PPP1R13B: variants seen among roughly 807,000 people sequenced by gnomAD.
The protein encoded by PPP1R13B is protein phosphatase 1 regulatory subunit 13B, also known as apoptosis-stimulating of p53 protein 1.
Under a neutral mutation model 119.8 loss-of-function variants are expected in PPP1R13B, and 44 were observed. The observed-to-expected ratio is 0.37, with a 90% CI of 0.29 to 0.47. PPP1R13B has a LOEUF of 0.47. PPP1R13B is among the 20% of genes least tolerant of loss of function. The probability of loss-of-function intolerance (pLI) is 0.99; values close to 1 mark genes in which losing one functional copy is unlikely to be tolerated. For synonymous variants in PPP1R13B, 542 were observed against 561.5 expected, an observed-to-expected ratio of 0.97 and a Z score of 0.49; for missense variants, 1,227 against 1,413.5, an observed-to-expected ratio of 0.87 and a Z score of 2.12.
At chr14:103,744,476 A>G (rs2084341029) in intron 9 of PPP1R13B, among the ~76,000 whole-genome samples, 1 of 152,178 alleles carries the variant, frequency 6.6e-6, no homozygotes, top group Non-Finnish European at 1.5e-5. Context: ...AAAGGGACAA[A>G]TTACGTTTGT....
intron 1 of PPP1R13B, among the ~76,000 whole-genome samples, chr14:103,843,801 A>C (rs1308009222): frequency 1.3e-5 from 2 of 152,014 alleles, no homozygotes; most frequent in Non-Finnish European, 2.9e-5. Context: ...AAAAATACAA[A>C]AATTAGCTGG....
chr14:103,807,552 T>C (rs759408698), intron 1 of PPP1R13B, among the ~76,000 whole-genome samples: 9 of 152,150 alleles, frequency 5.9e-5, no homozygotes, highest in Non-Finnish European at 8.8e-5. Context: ...TGGACTGCAG[T>C]GGCGCGATCT....
At chr14:103,786,809 G>A (rs1372744493) in intron 2 of PPP1R13B, among the ~76,000 whole-genome samples, 3 of 147,548 alleles carry the variant, frequency 2.0e-5, no homozygotes, top group African/African-American at 7.5e-5. Flanking sequence ...GGTGGTGCAC[G>A]CCTGTGGTCC....
intron 1 of PPP1R13B, among the ~76,000 whole-genome samples, chr14:103,814,987 T>C (rs2086244957): frequency 6.6e-6 from 1 of 152,040 alleles, no homozygotes; most frequent in Admixed American, 6.6e-5. Flanking sequence ...GATGTTTATG[T>C]AAAAACTTGG....
At chr14:103,808,102 G>T (rs760404512) in intron 1 of PPP1R13B, among the ~76,000 whole-genome samples, 2 of 151,862 alleles carry the variant, frequency 1.3e-5, no homozygotes, top group Non-Finnish European at 2.9e-5. Context: ...AAAATTAGCT[G>T]GGCGTGGTGG....
chr14:103,754,379 A>C, intron 5 of PPP1R13B, 135 bp from the exon 6 acceptor site: 1 of 708,626 alleles, frequency 1.4e-6, no homozygotes, highest in Non-Finnish European at 2.2e-6. Context: ...AGCCTGGCCA[A>C]CATGGTGAAA....
chr14:103,769,545 CTAGTTT>C (rs1159967524), intron 4 of PPP1R13B, among the ~76,000 whole-genome samples: 4 of 152,138 alleles, frequency 2.6e-5, no homozygotes, highest in Non-Finnish European at 4.4e-5. Context: ...TACTGTATAA[CTAGTTT>C]TTTTTAAAAG....
At chr14:103,799,303 C>G (rs1310870764) in intron 1 of PPP1R13B, among the ~76,000 whole-genome samples, 1 of 152,052 alleles carries the variant, frequency 6.6e-6, no homozygotes, top group Non-Finnish European at 1.5e-5. Context: ...CTCAGCCTCC[C>G]GAGTAGCTGG....
At chr14:103,832,200 T>C (rs1382185156) in intron 1 of PPP1R13B, among the ~76,000 whole-genome samples, 2 of 152,204 alleles carry the variant, frequency 1.3e-5, no homozygotes, top group African/African-American at 4.8e-5. Context: ...TTTACTGTTT[T>C]CTTGATGACT....
chr14:103,833,737 T>C (rs2086710242), intron 1 of PPP1R13B, among the ~76,000 whole-genome samples: 1 of 152,156 alleles, frequency 6.6e-6, no homozygotes, highest in Admixed American at 6.6e-5. Context: ...CCCACTCAAA[T>C]GTTGCCTCCT....
chr14:103,803,006 C>A (rs2085936753), intron 1 of PPP1R13B, among the ~76,000 whole-genome samples: 1 of 152,094 alleles, frequency 6.6e-6, no homozygotes, highest in African/African-American at 2.4e-5. Context: ...AGAAATTAAG[C>A]TGGTTTTGAC....
intron 4 of PPP1R13B, among the ~76,000 whole-genome samples, chr14:103,775,356 CCT>C (rs2085163188): frequency 6.6e-6 from 1 of 151,834 alleles, no homozygotes; most frequent in Non-Finnish European, 1.5e-5. Context: ...CTCACTGCAA[CCT>C]CTGTCTCCTG....
In PPP1R13B at chr14:103,742,313, A is replaced by C. The variant is rs2084279943; in HGVS notation, c.1321-22T>G. The C allele has an allele frequency of 1.3e-6, 2 of 1,519,880 alleles. No individual in the cohort carries two copies. Among genetic ancestry groups the C allele is most frequent in the East Asian group, 4.5e-5 (2 of 44,074 alleles). The allele number at this position is 1,519,880 out of a possible 1,614,324, so 94.1% of individuals were successfully genotyped here. On this transcript the variant is annotated intron_variant, in intron 10 of 16. Coordinates refer to ENST00000202556, the MANE Select transcript of PPP1R13B (RefSeq NM_015316.3). The surrounding 1 kb of genome is among the most constrained non-coding windows in gnomAD (Gnocchi z 4.9). ...TGCCCTAAGTTTAGGTGTTAAGAAGAAAAACAAAGTCACCCTTTGAACAGT... is the reference window on the plus strand; with the variant it reads ...TGCCCTAAGTTTAGGTGTTAAGAAGCAAAACAAAGTCACCCTTTGAACAGT...
intron 5 of PPP1R13B, among the ~76,000 whole-genome samples, chr14:103,755,977 TA>T (rs1469089973): frequency 6.6e-6 from 1 of 152,188 alleles, no homozygotes; most frequent in Non-Finnish European, 1.5e-5. Context: ...CAATAAATTT[TA>T]AAAAATCAGA....
In PPP1R13B at chr14:103,742,861, A is replaced by C; in HGVS notation, c.1151-38T>G. The C allele has an allele frequency of 1.2e-6, 2 of 1,608,140 alleles. No individual in the cohort carries two copies. The highest frequency in any genetic ancestry group is 1.7e-6 in the Non-Finnish European group (2 of 1,176,230). ...ACAGAACTTACGTAAAACTTTTCTC[A>C]ATGTAGTTGAACCAACCTAAGAATA... On this transcript the variant is annotated intron_variant, in intron 9 of 16. Coordinates refer to ENST00000202556, the MANE Select transcript of PPP1R13B (RefSeq NM_015316.3). The surrounding 1 kb of genome is among the most constrained non-coding windows in gnomAD (Gnocchi z 4.9).
chr14:103,824,445 C>T (rs565369280), intron 1 of PPP1R13B, among the ~76,000 whole-genome samples: 24 of 151,174 alleles, frequency 1.6e-4, no homozygotes, highest in African/African-American at 5.8e-4. Flanking sequence ...CCTGTAATCC[C>T]AGCACTTTGG....
intron 2 of PPP1R13B, among the ~76,000 whole-genome samples, chr14:103,792,566 C>A (rs2085649619): frequency 6.6e-6 from 1 of 151,970 alleles, no homozygotes; most frequent in South Asian, 2.1e-4. Context: ...GTAGAAAAAA[C>A]ACAACCCGAT....
At chr14:103,847,587 G>T (rs1213701812), upstream of PPP1R13B, 1 of 985,300 alleles carries the variant, frequency 1.0e-6, no homozygotes, top group Non-Finnish European at 1.2e-6. Context: ...CGGCCCGCCC[G>T]CCCGGCTCGC....
At chr14:103,736,509 G>T in intron 15 of PPP1R13B, 1 of 447,580 alleles carries the variant, frequency 2.2e-6, no homozygotes, top group Non-Finnish European at 4.1e-6. Context: ...ATCACAGCCA[G>T]AACAGATTTC....
Sources: gnomAD v4.1 joint callset for allele counts (sites outside exome capture counted in the v4.1 genomes callset) on GRCh38, gnomAD v4.1.1 for gene constraint, Gnocchi (gnomAD v3.1) non-coding constraint, MANE v1.5 for transcripts, NCBI Gene and HGNC (gene_info 2026-07-23, HGNC 2026-07-21) for gene names.